NSD2: variants seen among roughly 807,000 people sequenced by gnomAD.
The protein encoded by NSD2 is nuclear receptor binding SET domain protein 2, also known as histone-lysine N-methyltransferase NSD2.
In NSD2, 12 loss-of-function variants were observed where a neutral mutation model predicts 139.0. The ratio of observed to expected loss-of-function variants is 0.09; its 90% confidence interval spans 0.06 to 0.14. NSD2 has a LOEUF of 0.14. Ranked by LOEUF, NSD2 falls within the 10% of genes least tolerant of loss-of-function variation. The pLI is 1.00. For missense variants in NSD2, 1,155 were observed against 1,745.0 expected (o/e 0.66, Z 6.02); for synonymous variants, 669 against 648.7 (o/e 1.03, Z -0.48).
intron 5 of NSD2, among the ~76,000 whole-genome samples, chr4:1,926,482 T>G (rs893271463): frequency 3.9e-5 from 6 of 151,900 alleles, no homozygotes; most frequent in Non-Finnish European, 7.4e-5. Flanking sequence ...TTTTTATTTT[T>G]ATTTTTGAGA....
intron 3 of NSD2, among the ~76,000 whole-genome samples, chr4:1,913,740 G>T (rs566707347): frequency 1.3e-5 from 2 of 151,994 alleles, no homozygotes; most frequent in African/African-American, 4.8e-5. Flanking sequence ...AAATAACAGC[G>T]CAGCCAGACA....
chr4:1,887,546 GCTCACTGTA>G (rs1325612974), intron 1 of NSD2: 1 of 152,212 alleles, frequency 6.6e-6, no homozygotes, highest in African/African-American at 2.4e-5. Context: ...CACGATCATA[GCTCACTGTA>G]GCCTCCAACT....
chr4:1,924,463 T>C (rs1275806495), intron 5 of NSD2, among the ~76,000 whole-genome samples: 1 of 152,116 alleles, frequency 6.6e-6, no homozygotes, highest in African/African-American at 2.4e-5. Context: ...ACCTGAGAAT[T>C]GAAGCCACTG....
At chr4:1,881,681 G>A (rs1364898030) in intron 1 of NSD2, among the ~76,000 whole-genome samples, 1 of 152,192 alleles carries the variant, frequency 6.6e-6, no homozygotes, top group African/African-American at 2.4e-5. Flanking sequence ...ACAAGTATGA[G>A]CCACCCCTCT....
chr4:1,883,153 T>TG, intron 1 of NSD2, among the ~76,000 whole-genome samples: 1 of 152,188 alleles, frequency 6.6e-6, no homozygotes, highest in East Asian at 1.9e-4. Flanking sequence ...CAGAACCAGA[T>TG]GGCTAGAGGT....
intron 18 of NSD2, among the ~76,000 whole-genome samples, chr4:1,970,347 A>G (rs879573320): frequency 7.2e-5 from 11 of 152,226 alleles, no homozygotes; most frequent in Non-Finnish European, 5.9e-5. Flanking sequence ...GTGTCTATCC[A>G]GGCATGTGGC....
At chr4:1,874,341 G>T (rs1577343913) in intron 1 of NSD2, among the ~76,000 whole-genome samples, 2 of 152,084 alleles carry the variant, frequency 1.3e-5, no homozygotes, top group East Asian at 1.9e-4. Flanking sequence ...TCTTGGGTGT[G>T]GACTACCTGC....
chr4:1,939,449 A>G (rs937300683), intron 8 of NSD2: 10 of 602,650 alleles, frequency 1.7e-5, no homozygotes, highest in Non-Finnish European at 2.6e-5. Flanking sequence ...TTGGGGGCCA[A>G]GTAGCGAGGA....
chr4:1,874,556 A>G (rs554436167), intron 1 of NSD2, among the ~76,000 whole-genome samples: 1 of 152,292 alleles, frequency 6.6e-6, no homozygotes, highest in African/African-American at 2.4e-5. Flanking sequence ...GCCCATTTTA[A>G]TGCCGATATC....
intron 17 of NSD2, among the ~76,000 whole-genome samples, 160 bp from the exon 18 acceptor site, chr4:1,960,875 C>G (rs569180469): frequency 1.1e-3 from 170 of 152,240 alleles, no homozygotes; most frequent in Non-Finnish European, 1.9e-3. Flanking sequence ...GTCTGAGATC[C>G]TTTGAATTTA....
chr4:1,898,563 G>C (rs957813437), intron 1 of NSD2, among the ~76,000 whole-genome samples: 5 of 151,706 alleles, frequency 3.3e-5, no homozygotes, highest in East Asian at 1.9e-4. Context: ...ACTCAGGAGG[G>C]TGAGGCAGGA....
chr4:1,882,402 T>C (rs55778318), intron 1 of NSD2, among the ~76,000 whole-genome samples: 5,723 of 152,240 alleles, frequency 0.038, 365 homozygotes, highest in African/African-American at 0.13. Flanking sequence ...TAGTGGCTCA[T>C]GCCTGTAATC....
chr4:1,904,476 A>G (rs1437091659), intron 3 of NSD2, 98 bp downstream of exon 3: 4 of 1,352,800 alleles, frequency 3.0e-6, no homozygotes, highest in Admixed American at 2.5e-5. Context: ...TAGCCCTGCT[A>G]TGGTTCATTT....
intron 5 of NSD2, among the ~76,000 whole-genome samples, chr4:1,923,077 T>C (rs1720373851): frequency 6.6e-6 from 1 of 152,104 alleles, no homozygotes; most frequent in African/African-American, 2.4e-5. Flanking sequence ...GGGACCACTG[T>C]GATTTATGAA....
At position 1,937,080 on chromosome 4, in the gene NSD2, C is replaced by A. The variant is rs1029364141; in HGVS notation, c.1675-1371C>A. 2.6e-5 allele frequency among the ~76,000 whole-genome samples: 4 copies of A among 151,244 alleles called. No homozygotes were observed. In the South Asian group the frequency reaches 8.4e-4, roughly 32 times the overall value. Reference sequence around the variant, plus strand: ...ATTTTTTTTTTTTTTGAGAGGGAGTCTCACTTCGTCACCCAGGCTGGAGTG... The same window carrying A: ...ATTTTTTTTTTTTTTGAGAGGGAGTATCACTTCGTCACCCAGGCTGGAGTG... On this transcript the variant is annotated intron_variant, in intron 7 of 21. Coordinates refer to ENST00000508803, the MANE Select transcript of NSD2 (RefSeq NM_001042424.3).
chr4:1,978,571 A>G (rs1439029275), intron 21 of NSD2, 67 bp from the exon 22 acceptor site: 13 of 1,543,838 alleles, frequency 8.4e-6, no homozygotes, highest in Non-Finnish European at 8.8e-6. Flanking sequence ...AGTCATCTTC[A>G]ACCACGATAA....
chr4:1,980,615 G>A lies in NSD2; in HGVS notation c.*1706G>A, dbSNP rs562209628. 3.9e-5 allele frequency: 9 copies of A among 233,164 alleles called. No individual in the cohort carries two copies. The highest frequency in any genetic ancestry group is 2.0e-4 in the African/African-American group (9 of 45,418). The allele number at this position is 233,164 out of a possible 1,614,324, so 14.4% of individuals were successfully genotyped here. A position where few individuals can be genotyped will look rare whatever the true frequency, so the allele number is the denominator to read the frequency against. On this transcript the variant is annotated 3_prime_UTR_variant, in exon 22 of 22. Coordinates refer to ENST00000508803, the MANE Select transcript of NSD2 (RefSeq NM_001042424.3). Reference sequence around the variant, plus strand: ...GTAAGCGTGGGGTTCAGGGGTGTGTGGCCCTGCAGGGTCCCACGCCTCCCT... The same window carrying A: ...GTAAGCGTGGGGTTCAGGGGTGTGTAGCCCTGCAGGGTCCCACGCCTCCCT...
chr4:1,873,851 CTATT>C (rs574748523), intron 1 of NSD2, among the ~76,000 whole-genome samples: 1 of 152,126 alleles, frequency 6.6e-6, no homozygotes, highest in Non-Finnish European at 1.5e-5. Flanking sequence ...TTGTCCTGTG[CTATT>C]TATTTATTTT....
chr4:1,935,602 C>G (rs995323829), intron 7 of NSD2, among the ~76,000 whole-genome samples: 4 of 152,086 alleles, frequency 2.6e-5, no homozygotes, highest in African/African-American at 9.7e-5. Context: ...GCTTACGTCT[C>G]TAATCCCAGC....
Sources: allele counts gnomAD v4.1 joint callset (sites outside exome capture counted in the v4.1 genomes callset), GRCh38; gene constraint gnomAD v4.1.1; transcripts MANE v1.5; gene names NCBI Gene and HGNC (gene_info 2026-07-23, HGNC 2026-07-21).